LSAMP: variants seen among roughly 807,000 people sequenced by gnomAD.
The protein encoded by LSAMP is limbic system-associated membrane protein.
In LSAMP, 7 loss-of-function variants were observed where a neutral mutation model predicts 38.6. That is an observed-to-expected ratio of 0.18 (90% confidence interval 0.10 to 0.34). The LOEUF (loss-of-function observed/expected upper bound fraction) is 0.34, where lower values mean the gene tolerates loss of function less well. Among genes scored for constraint, LSAMP ranks in the 10% least tolerant of loss-of-function variants. The pLI is 1.00. For missense variants in LSAMP, 313 were observed against 420.0 expected (o/e 0.75, Z 2.23); for synonymous variants, 154 against 166.8 (o/e 0.92, Z 0.59).
intron 1 of LSAMP, among the ~76,000 whole-genome samples, chr3:116,262,434 CAT>C (rs1240902593): frequency 6.6e-6 from 1 of 152,128 alleles, no homozygotes; most frequent in African/African-American, 2.4e-5. Flanking sequence ...TCTCTGACTC[CAT>C]ATTGAGGTCT....
intron 1 of LSAMP, among the ~76,000 whole-genome samples, chr3:116,226,433 T>C (rs1044533039): frequency 2.0e-5 from 3 of 152,228 alleles, no homozygotes; most frequent in African/African-American, 7.2e-5. Context: ...TGATCTTTGC[T>C]AGAGGGATAA....
rs540584091 is a variant in LSAMP, at chr3:116,035,221, G to A, written c.389-15581C>T. 1.3e-3 allele frequency among the ~76,000 whole-genome samples: 193 copies of A among 152,274 alleles called. 1 individual carries two copies. Among genetic ancestry groups the A allele is most frequent in the Middle Eastern group, 3.4e-3 (1 of 294 alleles). ...TATGCTGGTAATTGATAACATGTTT[G>A]GGATTAAGACAGTCACATGTTAAAT... On this transcript the variant is annotated intron_variant, in intron 2 of 6. Coordinates refer to ENST00000490035, the MANE Select transcript of LSAMP (RefSeq NM_002338.5).
chr3:116,040,169 G>A (rs1941137999), intron 2 of LSAMP, among the ~76,000 whole-genome samples: 2 of 152,296 alleles, frequency 1.3e-5, no homozygotes, highest in Middle Eastern at 3.4e-3. Flanking sequence ...GTTGAGGGGA[G>A]GGGAACTCTC....
At chr3:116,144,787 G>A (rs1284037028) in intron 1 of LSAMP, among the ~76,000 whole-genome samples, 1 of 151,162 alleles carries the variant, frequency 6.6e-6, no homozygotes, top group African/African-American at 2.4e-5. Flanking sequence ...AAATTTCCCG[G>A]GTGCTTTTGT....
At chr3:115,829,728 A>G (rs1934548080) in intron 6 of LSAMP, among the ~76,000 whole-genome samples, 1 of 152,186 alleles carries the variant, frequency 6.6e-6, no homozygotes, top group Non-Finnish European at 1.5e-5. Flanking sequence ...TAAATGTAAT[A>G]TTATGATATT....
intron 6 of LSAMP, among the ~76,000 whole-genome samples, chr3:115,837,219 T>C (rs1399702390): frequency 6.6e-6 from 1 of 152,158 alleles, no homozygotes; most frequent in Non-Finnish European, 1.5e-5. Flanking sequence ...GCTTTACAAC[T>C]TAATGATATT....
At chr3:115,864,622 A>G (rs1020158339) in intron 3 of LSAMP, among the ~76,000 whole-genome samples, 2 of 152,200 alleles carry the variant, frequency 1.3e-5, no homozygotes, top group Non-Finnish European at 2.9e-5. Context: ...CAAGTCTTCT[A>G]AACTCCCTCA....
chr3:115,852,719 A>G, intron 3 of LSAMP, 102 bp from the exon 4 acceptor site: 4 of 1,165,550 alleles, frequency 3.4e-6, no homozygotes, highest in South Asian at 1.9e-5. Flanking sequence ...TTTCTTTTCA[A>G]TGATTTGAAA....
intron 1 of LSAMP, among the ~76,000 whole-genome samples, chr3:116,198,118 G>A (rs2045932652): frequency 6.6e-6 from 1 of 152,182 alleles, no homozygotes; most frequent in African/African-American, 2.4e-5. Flanking sequence ...AAAGATAAGG[G>A]CAGAATGATA....
chr3:115,829,417 A>G (rs1226540021), intron 6 of LSAMP, among the ~76,000 whole-genome samples: 1 of 152,234 alleles, frequency 6.6e-6, no homozygotes, highest in African/African-American at 2.4e-5. Context: ...AATAATTTTC[A>G]TGTGTATTAA....
At chr3:116,257,745 A>C (rs538164955) in intron 1 of LSAMP, among the ~76,000 whole-genome samples, 2 of 152,272 alleles carry the variant, frequency 1.3e-5, no homozygotes, top group South Asian at 4.1e-4. Flanking sequence ...TTATTCCTGT[A>C]ACCTCATTAC....
At chr3:116,069,113 A>G (rs543543435) in intron 2 of LSAMP, among the ~76,000 whole-genome samples, 1 of 152,290 alleles carries the variant, frequency 6.6e-6, no homozygotes, top group Non-Finnish European at 1.5e-5. Context: ...GAATATCCAC[A>G]CACACCAAAA....
intron 1 of LSAMP, among the ~76,000 whole-genome samples, chr3:116,444,246 A>C (rs2049472746): frequency 6.6e-6 from 1 of 152,086 alleles, no homozygotes; most frequent in African/African-American, 2.4e-5. Flanking sequence ...GGAAAGGCTC[A>C]GTAACCAACC....
intron 4 of LSAMP, among the ~76,000 whole-genome samples, chr3:115,843,711 T>A (rs1003818425): frequency 2.6e-4 from 39 of 152,060 alleles, no homozygotes; most frequent in African/African-American, 9.4e-4. Context: ...ATTAAAAAAC[T>A]ATTGCCTAAG....
At chr3:116,432,800 A>G (rs1280789568) in intron 1 of LSAMP, among the ~76,000 whole-genome samples, 3 of 152,162 alleles carry the variant, frequency 2.0e-5, no homozygotes, top group African/African-American at 7.2e-5. Context: ...GGTTTATCCA[A>G]TCAAGTAATA....
chr3:116,218,720 C>T (rs1217904035), intron 1 of LSAMP, among the ~76,000 whole-genome samples: 2 of 152,154 alleles, frequency 1.3e-5, no homozygotes, highest in Non-Finnish European at 2.9e-5. Flanking sequence ...CACACTGAAG[C>T]CTCAAATTCC....
At chr3:116,054,410 G>C in intron 2 of LSAMP, among the ~76,000 whole-genome samples, 1 of 151,896 alleles carries the variant, frequency 6.6e-6, no homozygotes, top group Non-Finnish European at 1.5e-5. Flanking sequence ...CATCTCCAGC[G>C]TGGGGGCATT....
chr3:116,045,415 G>A (rs1357356255), intron 2 of LSAMP, among the ~76,000 whole-genome samples: 1 of 152,076 alleles, frequency 6.6e-6, no homozygotes, highest in Non-Finnish European at 1.5e-5. Flanking sequence ...AATGAAGGCA[G>A]TAGTGGTAGT....
intron 3 of LSAMP, among the ~76,000 whole-genome samples, chr3:115,855,875 T>C (rs1438611164): frequency 6.6e-6 from 1 of 152,216 alleles, no homozygotes; most frequent in Non-Finnish European, 1.5e-5. Flanking sequence ...GTTGTCATGC[T>C]TCCTTTCCCT....
Sources: allele counts gnomAD v4.1 joint callset (sites outside exome capture counted in the v4.1 genomes callset), GRCh38; gene constraint gnomAD v4.1.1; transcripts MANE v1.5; gene names NCBI Gene and HGNC (gene_info 2026-07-23, HGNC 2026-07-21).